ZMYM2: variants seen among roughly 807,000 people sequenced by gnomAD.
The protein encoded by ZMYM2 is zinc finger MYM-type protein 2.
A neutral mutation model predicts 162.8 loss-of-function variants in ZMYM2; 56 were observed. That is an observed-to-expected ratio of 0.34 (90% confidence interval 0.28 to 0.43). ZMYM2 has a LOEUF of 0.43. Among genes scored for constraint, ZMYM2 ranks in the 20% least tolerant of loss-of-function variants. The pLI is 1.00. For missense variants in ZMYM2, 1,275 were observed against 1,621.8 expected (o/e 0.79, Z 3.67); for synonymous variants, 510 against 541.6 (o/e 0.94, Z 0.81).
chr13:19,960,281 G>A (rs1955057911), intron 2 of ZMYM2, among the ~76,000 whole-genome samples: 1 of 152,222 alleles, frequency 6.6e-6, no homozygotes, highest in Admixed American at 6.5e-5. Flanking sequence ...TTCTGCAGCT[G>A]CTCACGTTAC....
At chr13:19,875,417 C>T in the ZMYM2 span, among the ~76,000 whole-genome samples, 84 of 152,162 alleles carry the variant, frequency 5.5e-4, no homozygotes, top group African/African-American at 2.0e-3. Context: ...ATCACGAGGT[C>T]AAGAGATGGA....
intron 7 of ZMYM2, chr13:20,025,232 G>A (rs191674371): frequency 2.0e-5 from 4 of 199,086 alleles, no homozygotes; most frequent in East Asian, 1.6e-4. Context: ...ATAGATGCTC[G>A]TGGGTATGAA....
the ZMYM2 span, among the ~76,000 whole-genome samples, chr13:19,920,756 ATG>A: frequency 2.2e-3 from 333 of 151,578 alleles, 1 homozygote; most frequent in African/African-American, 7.7e-3. Context: ...GTATGTATGT[ATG>A]TATGTATGTA....
chr13:19,934,085 T>C, the ZMYM2 span, among the ~76,000 whole-genome samples: 7 of 152,330 alleles, frequency 4.6e-5, no homozygotes, highest in African/African-American at 1.7e-4. Context: ...AGGACTTGTA[T>C]TAGAAGGATT....
chr13:19,907,919 C>G, the ZMYM2 span, among the ~76,000 whole-genome samples: 2 of 152,092 alleles, frequency 1.3e-5, no homozygotes, highest in Non-Finnish European at 2.9e-5. Flanking sequence ...TTGCTTGTTT[C>G]ATGGGTAAAC....
chr13:20,033,955 C>T (rs1326498534), intron 10 of ZMYM2, among the ~76,000 whole-genome samples: 1 of 152,062 alleles, frequency 6.6e-6, no homozygotes, highest in African/African-American at 2.4e-5. Flanking sequence ...CTGTATTTTC[C>T]ATCATTTTCT....
chr13:19,949,852 A>C, the ZMYM2 span, among the ~76,000 whole-genome samples: 3 of 147,644 alleles, frequency 2.0e-5, no homozygotes, highest in East Asian at 6.1e-4. Flanking sequence ...ACGCCACTGC[A>C]CTCAAGCCTG....
the ZMYM2 span, among the ~76,000 whole-genome samples, chr13:19,920,918 A>G: frequency 6.7e-6 from 1 of 150,262 alleles, no homozygotes; most frequent in Non-Finnish European, 1.5e-5. Context: ...GCATGCCACC[A>G]TGCCCAGCTA....
intron 14 of ZMYM2, among the ~76,000 whole-genome samples, chr13:20,055,784 G>T (rs1955748310): frequency 6.6e-6 from 1 of 150,964 alleles, no homozygotes; most frequent in African/African-American, 2.5e-5. Context: ...ACGGATTCAT[G>T]AGATTATGAC....
At chr13:20,046,383 C>CA (rs1043459915) in intron 12 of ZMYM2, among the ~76,000 whole-genome samples, 1 of 151,150 alleles carries the variant, frequency 6.6e-6, no homozygotes, top group African/African-American at 2.4e-5. Context: ...CCCATCTCTA[C>CA]AAAAAATAAA....
chr13:20,030,706 G>T (rs893594127), intron 9 of ZMYM2, among the ~76,000 whole-genome samples: 1 of 151,978 alleles, frequency 6.6e-6, no homozygotes, highest in African/African-American at 2.4e-5. Flanking sequence ...CCTAATTTTT[G>T]TAGTTTTAGT....
At chr13:19,973,271 A>G (rs759391547) in intron 2 of ZMYM2, among the ~76,000 whole-genome samples, 3 of 152,168 alleles carry the variant, frequency 2.0e-5, no homozygotes, top group Non-Finnish European at 4.4e-5. Flanking sequence ...TTTGTTTGCT[A>G]TATAAATTTT....
intron 2 of ZMYM2, among the ~76,000 whole-genome samples, chr13:19,962,160 A>G (rs147653682): frequency 5.9e-5 from 9 of 152,284 alleles, no homozygotes; most frequent in East Asian, 5.8e-4. Flanking sequence ...CTGTGTGGAT[A>G]TAGAGCTTAT....
intron 21 of ZMYM2, among the ~76,000 whole-genome samples, chr13:20,079,937 T>G (rs1233736841): frequency 2.6e-5 from 4 of 152,226 alleles, no homozygotes; most frequent in Admixed American, 1.3e-4. Flanking sequence ...AAATATAAAT[T>G]GCTATTCTAA....
At chr13:20,027,038 G>A (rs947638855) in intron 8 of ZMYM2, among the ~76,000 whole-genome samples, 165 bp from the exon 9 acceptor site, 1 of 152,004 alleles carries the variant, frequency 6.6e-6, no homozygotes, top group African/African-American at 2.4e-5. Context: ...TAATATCAGA[G>A]TCCGTTATGA....
At chr13:19,964,381 T>TA (rs11389376) in intron 2 of ZMYM2, among the ~76,000 whole-genome samples, 26,959 of 146,894 alleles carry the variant, frequency 0.18, 3,744 homozygotes, top group African/African-American at 0.4. Flanking sequence ...GTCTCAAAAA[T>TA]AAAAAAAAAA....
At chr13:20,005,844 C>A (rs778313873) in intron 5 of ZMYM2, among the ~76,000 whole-genome samples, 11 of 152,120 alleles carry the variant, frequency 7.2e-5, no homozygotes, top group Non-Finnish European at 1.6e-4. Flanking sequence ...TCTGATACCT[C>A]TAGAGAAGTT....
chr13:20,064,530 T>A lies in ZMYM2; in HGVS notation c.3117T>A (p.Pro1039=). The A allele has an allele frequency of 1.3e-6, 2 of 1,580,438 alleles. No homozygotes were observed. The highest frequency in any genetic ancestry group is 1.7e-6 in the Non-Finnish European group (2 of 1,162,912). Residue 1039 remains proline, a synonymous_variant, in exon 19 of 25, where the codon CCT becomes CCA. Coordinates refer to ENST00000610343, the MANE Select transcript of ZMYM2 (RefSeq NM_197968.4). ...AAGAATATGAGGAACAGCCCAGACC[T>A]CGATCTAAAAAAAAGGTACATTCAC... is the stretch of plus-strand genomic sequence containing the variant. ...FGEEYEEQPR[P]RSKKKGAKRK...
intron 18 of ZMYM2, 79 bp from the exon 19 acceptor site, chr13:20,064,372 G>C: frequency 8.1e-7 from 1 of 1,236,054 alleles, no homozygotes; most frequent in Non-Finnish European, 1.1e-6. Context: ...TTTACATCCT[G>C]TGGTTAGTTC....
Sources: gnomAD v4.1 joint callset for allele counts (sites outside exome capture counted in the v4.1 genomes callset) on GRCh38, gnomAD v4.1.1 for gene constraint, MANE v1.5 for transcripts, NCBI Gene and HGNC (gene_info 2026-07-23, HGNC 2026-07-21) for gene names.